Variants in GULP1 observed in about 807,000 individuals in gnomAD.
GULP1 encodes GULP PTB domain containing engulfment adaptor 1, also known as PTB domain-containing engulfment adapter protein 1.
GULP1 carries 19 observed loss-of-function variants against 40.9 expected under a neutral mutation model. The ratio of observed to expected loss-of-function variants is 0.46; its 90% CI spans 0.32 to 0.68. The LOEUF is 0.68. Ranked by LOEUF, GULP1 falls within the 30% of genes least tolerant of loss-of-function variation. The pLI is 0.03. For synonymous variants in GULP1, 119 were observed against 117.6 expected (o/e 1.01, Z -0.08); for missense variants, 312 against 362.2 (o/e 0.86, Z 1.12).
chr2:188,355,341 A>G, intron 1 of GULP1, among the ~76,000 whole-genome samples: 1 of 152,252 alleles, frequency 6.6e-6, no homozygotes, highest in South Asian at 2.1e-4. Context: ...GAAATGAAAA[A>G]GGACACATTA....
intron 2 of GULP1, among the ~76,000 whole-genome samples, chr2:188,392,350 A>T (rs2050642184): frequency 6.6e-6 from 1 of 152,034 alleles, no homozygotes; most frequent in South Asian, 2.1e-4. Flanking sequence ...GTTTTCAGGA[A>T]TTTGTCCATT....
chr2:188,457,837 C>A (rs2059390907), intron 2 of GULP1, among the ~76,000 whole-genome samples: 1 of 152,166 alleles, frequency 6.6e-6, no homozygotes, highest in African/African-American at 2.4e-5. Context: ...CACATGCATT[C>A]CCTCATACAA....
At chr2:188,540,372 T>C (rs868385129) in intron 6 of GULP1, among the ~76,000 whole-genome samples, 47 of 151,910 alleles carry the variant, frequency 3.1e-4, no homozygotes, top group African/African-American at 9.1e-4. Context: ...CACATTTATT[T>C]TATATAAATA....
intron 2 of GULP1, among the ~76,000 whole-genome samples, chr2:188,476,097 G>A (rs1303231439): frequency 1.3e-5 from 2 of 152,106 alleles, no homozygotes; most frequent in African/African-American, 4.8e-5. Flanking sequence ...AATGCCAGAT[G>A]ACACAGTGAA....
intron 1 of GULP1, among the ~76,000 whole-genome samples, chr2:188,342,012 A>G (rs924562985): frequency 2.0e-5 from 3 of 152,226 alleles, no homozygotes; most frequent in African/African-American, 7.2e-5. Context: ...ATGAGCAGAT[A>G]TATTTGAGAT....
chr2:188,504,598 G>A (rs2063733877), intron 4 of GULP1, among the ~76,000 whole-genome samples: 1 of 151,854 alleles, frequency 6.6e-6, no homozygotes, highest in Non-Finnish European at 1.5e-5. Flanking sequence ...GAAAATGATG[G>A]TTAACAATAA....
At chr2:188,537,871 T>C (rs1010509080) in intron 6 of GULP1, among the ~76,000 whole-genome samples, 2 of 152,084 alleles carry the variant, frequency 1.3e-5, no homozygotes, top group Non-Finnish European at 2.9e-5. Flanking sequence ...GAACTTGATA[T>C]TGTTCTGTTC....
Position 188,291,999 on chromosome 2 carries a change from A to C in GULP1, c.-339A>C, listed in dbSNP as rs2033872131. On this transcript the variant is annotated 5_prime_UTR_variant, in exon 1 of 12. Transcript: ENST00000409830. ...GAGAGCGCGAAGAGGGAGGGGACCG[A>C]AGCTGGAGGGTCCCGAGTCCAGCGC... The C allele has an allele frequency of 6.6e-6, 1 of 152,260 alleles. No individual in the cohort carries two copies. Among genetic ancestry groups the C allele is most frequent in the Non-Finnish European group, 1.5e-5 (1 of 68,094 alleles). 9.4% of individuals were successfully genotyped at this position (152,260 alleles called of 1,614,324 possible).
chr2:188,461,606 G>A (rs1249090017), intron 2 of GULP1, among the ~76,000 whole-genome samples: 1 of 151,602 alleles, frequency 6.6e-6, no homozygotes, highest in Admixed American at 6.6e-5. Context: ...GACTGGCCCT[G>A]GGAACCTTTT....
At chr2:188,294,532 T>C (rs1480895295) in intron 1 of GULP1, 2 of 152,142 alleles carry the variant, frequency 1.3e-5, no homozygotes, top group African/African-American at 2.4e-5. Context: ...CTCTTTTTTT[T>C]TTCTTCAGAG....
At chr2:188,423,274 C>T (rs1378977939) in intron 2 of GULP1, among the ~76,000 whole-genome samples, 1 of 151,876 alleles carries the variant, frequency 6.6e-6, no homozygotes, top group Non-Finnish European at 1.5e-5. Flanking sequence ...GAAGAAATAG[C>T]TTTATTTGTT....
rs1471883771 is a variant in GULP1, at chr2:188,517,125, TTTAA to T, written c.91-5626_91-5623del. Among the ~76,000 whole-genome samples the T allele has an allele frequency of 2.0e-5, 3 of 152,162 alleles. No homozygotes were observed. In the East Asian group the frequency reaches 5.8e-4, roughly 29 times the overall value. On this transcript the variant is annotated intron_variant, in intron 4 of 11. Transcript: ENST00000409830. The stretch of plus-strand genomic sequence containing the variant: ...TGCATTTAATAAAACATTATTTTTT[TTTAA>T]TTAACAGATAATATTGTATGTTTTT...
chr2:188,569,147 T>G (rs759170182), intron 7 of GULP1, 92 bp from the exon 8 acceptor site: 7 of 729,260 alleles, frequency 9.6e-6, no homozygotes, highest in Non-Finnish European at 1.7e-5. Flanking sequence ...GTGAATGTCT[T>G]GGAGTAAGTG....
At chr2:188,302,598 A>C (rs950794124) in intron 1 of GULP1, among the ~76,000 whole-genome samples, 2 of 152,160 alleles carry the variant, frequency 1.3e-5, no homozygotes, top group Admixed American at 6.5e-5. Context: ...GAGGTATAAA[A>C]AAATACAGAC....
chr2:188,493,331 T>G (rs990289495), intron 4 of GULP1, among the ~76,000 whole-genome samples: 7 of 152,094 alleles, frequency 4.6e-5, no homozygotes, highest in African/African-American at 1.7e-4. Flanking sequence ...ATTTCCCTCC[T>G]TGAAGGGGTC....
intron 9 of GULP1, among the ~76,000 whole-genome samples, chr2:188,577,088 A>C (rs1700318472): frequency 6.6e-6 from 1 of 152,124 alleles, no homozygotes; most frequent in Admixed American, 6.6e-5. Context: ...TGACTATAGA[A>C]GGTTTTAACC....
At chr2:188,365,343 A>G (rs1398447320) in intron 1 of GULP1, among the ~76,000 whole-genome samples, 1 of 152,170 alleles carries the variant, frequency 6.6e-6, no homozygotes, top group African/African-American at 2.4e-5. Context: ...GGAGATCACC[A>G]TTCATGTAAG....
intron 8 of GULP1, 42 bp from the exon 9 acceptor site, chr2:188,569,984 GAA>G: frequency 1.5e-6 from 1 of 668,404 alleles, no homozygotes; most frequent in South Asian, 2.0e-5. Context: ...TATTTTCCAA[GAA>G]AAAAAAAACA....
At chr2:188,537,221 T>C (rs1689167529) in intron 6 of GULP1, among the ~76,000 whole-genome samples, 1 of 152,058 alleles carries the variant, frequency 6.6e-6, no homozygotes, top group South Asian at 2.1e-4. Flanking sequence ...TTGAGTACTC[T>C]GTGGAATAGG....
Sources: gnomAD v4.1 joint callset for allele counts (sites outside exome capture counted in the v4.1 genomes callset) on GRCh38, gnomAD v4.1.1 for gene constraint, MANE v1.5 for transcripts, NCBI Gene and HGNC (gene_info 2026-07-23, HGNC 2026-07-21) for gene names.